Variants in HECW2 observed in about 807,000 individuals in gnomAD.
HECW2 encodes HECT, C2 and WW domain containing E3 ubiquitin protein ligase 2.
HECW2 carries 61 observed loss-of-function variants against 175.2 expected under a neutral mutation model. The observed-to-expected ratio is 0.35, with a 90% CI of 0.28 to 0.43. The LOEUF (loss-of-function observed/expected upper bound fraction) is 0.43, where lower values mean the gene tolerates loss of function less well. HECW2 is among the 20% of genes least tolerant of loss of function. The probability of loss-of-function intolerance (pLI) is 1.00; values close to 1 mark genes in which losing one functional copy is unlikely to be tolerated. For synonymous variants in HECW2, 671 were observed against 731.0 expected, an observed-to-expected ratio of 0.92 and a Z score of 1.32; for missense variants, 1,524 against 2,000.5, an observed-to-expected ratio of 0.76 and a Z score of 4.54.
At chr2:196,202,858 T>G (rs185720465) in intron 28 of HECW2, among the ~76,000 whole-genome samples, 3 of 152,190 alleles carry the variant, frequency 2.0e-5, no homozygotes, top group Non-Finnish European at 4.4e-5. Context: ...TTTGGAATAT[T>G]TGCATATATA....
At chr2:196,555,244 A>T (rs559488218) in intron 1 of HECW2, among the ~76,000 whole-genome samples, 1 of 152,292 alleles carries the variant, frequency 6.6e-6, no homozygotes, top group East Asian at 1.9e-4. Context: ...GAGGTGCAAG[A>T]TCAAGTCCAA....
At chr2:196,265,745 T>C (rs772064038) in intron 17 of HECW2, among the ~76,000 whole-genome samples, 1 of 152,206 alleles carries the variant, frequency 6.6e-6, no homozygotes, top group East Asian at 1.9e-4. Context: ...GGTTTATACA[T>C]ATATTATTTC....
Position 196,472,869 on chromosome 2 carries a change from C to T in HECW2, c.-35-39411G>A, listed in dbSNP as rs1246739447. On this transcript the variant is annotated intron_variant, in intron 1 of 28. Transcript: ENST00000644978. Reference sequence around the variant, plus strand: ...CCCCTGATCTCAAGTGATCCACCCGCCTTGGCCTCCCAAAGTGCTGGGATT... The same window carrying T: ...CCCCTGATCTCAAGTGATCCACCCGTCTTGGCCTCCCAAAGTGCTGGGATT... Among the ~76,000 whole-genome samples the T allele has an allele frequency of 3.9e-5, 6 of 152,330 alleles. No individual in the cohort carries two copies. The East Asian group carries it at 1.2e-3, about 29-fold the overall frequency.
chr2:196,278,216 A>C (rs536272434), intron 15 of HECW2, among the ~76,000 whole-genome samples: 1 of 142,526 alleles, frequency 7.0e-6, no homozygotes, highest in East Asian at 2.1e-4. Flanking sequence ...ATGGGTGTGC[A>C]AATGGGCTTA....
chr2:196,232,435 T>C (rs748669318), intron 21 of HECW2, among the ~76,000 whole-genome samples: 1 of 152,236 alleles, frequency 6.6e-6, no homozygotes, highest in Non-Finnish European at 1.5e-5. Flanking sequence ...CCTAGCCTGA[T>C]ACACAGTGGG....
In HECW2 at chr2:196,577,433, A is replaced by G. The variant is rs115884114; in HGVS notation, c.-36+16075T>C. On this transcript the variant is annotated intron_variant, in intron 1 of 28. Transcript: ENST00000644978. ...ATTTAAGGCTTTGATATTAACAAAG[A>G]AAAAGGATCTATTAGACCTGATGTT... Among the ~76,000 whole-genome samples, 1,385 of 152,306 alleles carry G rather than the reference A, an allele frequency of 9.1e-3. 8 individuals carry two copies. Among genetic ancestry groups the G allele is most frequent in the Non-Finnish European group, 0.014 (944 of 68,020 alleles).
chr2:196,243,506 T>C (rs1360970660), intron 19 of HECW2, among the ~76,000 whole-genome samples: 1 of 152,046 alleles, frequency 6.6e-6, no homozygotes, highest in African/African-American at 2.4e-5. Context: ...ACTGAGAATA[T>C]CTAGATTATA....
At chr2:196,307,300 G>C (rs906350756) in intron 11 of HECW2, 67 bp from the exon 12 acceptor site, 21 of 1,100,014 alleles carry the variant, frequency 1.9e-5, no homozygotes, top group Non-Finnish European at 2.8e-5. Flanking sequence ...TGCTCCCCAA[G>C]AGTCTAGAAC....
At chr2:196,314,145 T>A (rs965429799) in intron 10 of HECW2, among the ~76,000 whole-genome samples, 6 of 152,154 alleles carry the variant, frequency 3.9e-5, no homozygotes, top group African/African-American at 1.4e-4. Flanking sequence ...ATAGAGCACA[T>A]CTATCTGGAC....
At position 196,271,277 on chromosome 2, in the gene HECW2, T is replaced by C. The variant is rs1558999546; in HGVS notation, c.3251A>G (p.Lys1084Arg). 5.0e-6 allele frequency: 8 copies of C among 1,605,450 alleles called. No individual in the cohort carries two copies. Among genetic ancestry groups the C allele is most frequent in the Non-Finnish European group, 5.1e-6 (6 of 1,172,426 alleles). ...QDMVPVAYNDKIVAFLRQPNI... is the reference protein window; with the variant it reads ...QDMVPVAYNDRIVAFLRQPNI... The stretch of plus-strand genomic sequence containing the variant: ...GGGTTGACGTAGAAATGCAACAATC[T>C]TGTCATTGTAAGCTGAAAAAAAAAT... The change falls in exon 17 of 29, where the codon AAG becomes AGG. Residue 1084 changes from lysine to arginine, a missense_variant. By Grantham distance (26) the Lys-to-Arg change is conservative (BLOSUM62 2). Transcript: ENST00000644978.
At chr2:196,343,804 C>G in intron 2 of HECW2, 40 bp from the exon 3 acceptor site, 1 of 1,241,946 alleles carries the variant, frequency 8.1e-7, no homozygotes, top group Non-Finnish European at 1.2e-6. Flanking sequence ...TTAATTATAA[C>G]CTTTCTCTCC....
chr2:196,296,493 G>A (rs922538766), intron 13 of HECW2, among the ~76,000 whole-genome samples: 3 of 152,144 alleles, frequency 2.0e-5, no homozygotes, highest in Non-Finnish European at 2.9e-5. Context: ...TAAAGAAAGT[G>A]GCAAAATTGT....
intron 16 of HECW2, among the ~76,000 whole-genome samples, chr2:196,272,974 C>T (rs11893319): frequency 0.27 from 41,111 of 149,820 alleles, 5,951 homozygotes; most frequent in African/African-American, 0.39. Flanking sequence ...ATGGGCATTA[C>T]ATTGAATTTC....
At chr2:196,374,313 A>C (rs1693990506) in intron 2 of HECW2, among the ~76,000 whole-genome samples, 1 of 152,242 alleles carries the variant, frequency 6.6e-6, no homozygotes, top group African/African-American at 2.4e-5. Context: ...TAACTGGATT[A>C]TAAAATAAAT....
intron 2 of HECW2, among the ~76,000 whole-genome samples, chr2:196,380,126 T>C (rs559262410): frequency 2.6e-5 from 4 of 152,322 alleles, no homozygotes; most frequent in Non-Finnish European, 4.4e-5. Flanking sequence ...TTGTCCTGTG[T>C]GGCTATTTAA....
chr2:196,221,839 C>T (rs1687681217), intron 24 of HECW2, among the ~76,000 whole-genome samples: 1 of 152,178 alleles, frequency 6.6e-6, no homozygotes, highest in South Asian at 2.1e-4. Context: ...GGATTACAGG[C>T]ATGAGCCACC....
At chr2:196,240,424 C>T in intron 21 of HECW2, 25 bp downstream of exon 21, 1 of 1,509,360 alleles carries the variant, frequency 6.6e-7, no homozygotes, top group Non-Finnish European at 9.0e-7. Context: ...CTATGTTCCA[C>T]AGGCCACTTC....
chr2:196,368,485 C>G (rs1004339981), intron 2 of HECW2, among the ~76,000 whole-genome samples: 4 of 152,096 alleles, frequency 2.6e-5, no homozygotes, highest in African/African-American at 9.7e-5. Context: ...ACTTGCTGTT[C>G]TATAACCTTC....
intron 1 of HECW2, among the ~76,000 whole-genome samples, chr2:196,497,201 A>T (rs916086242): frequency 6.6e-6 from 1 of 152,228 alleles, no homozygotes; most frequent in African/African-American, 2.4e-5. Context: ...CAAGTCATCC[A>T]CTTAAGATTT....
Sources: gnomAD v4.1 joint callset for allele counts (sites outside exome capture counted in the v4.1 genomes callset) on GRCh38, gnomAD v4.1.1 for gene constraint, MANE v1.5 for transcripts, NCBI Gene and HGNC (gene_info 2026-07-23, HGNC 2026-07-21) for gene names.